TEX36: variants seen among roughly 807,000 people sequenced by gnomAD.
The protein encoded by TEX36 is testis-expressed protein 36.
A neutral mutation model predicts 13.6 loss-of-function variants in TEX36; 12 were observed. That is an observed-to-expected ratio of 0.88 (90% CI 0.56 to 1.43). TEX36 has a LOEUF of 1.43. TEX36 is among the 40% of genes most tolerant of loss of function. The pLI is 0.00. For missense variants in TEX36, 224 were observed against 228.3 expected (o/e 0.98, Z 0.12); for synonymous variants, 93 against 83.0 (o/e 1.12, Z -0.65).
intron 3 of TEX36, among the ~76,000 whole-genome samples, chr10:125,649,521 C>T (rs1846820724): frequency 6.6e-6 from 1 of 152,190 alleles, no homozygotes; most frequent in Admixed American, 6.5e-5. Context: ...TGGAAAGGAA[C>T]AACTGGCACC....
At chr10:125,630,529 G>A (rs1413144166) in intron 3 of TEX36, among the ~76,000 whole-genome samples, 1 of 152,162 alleles carries the variant, frequency 6.6e-6, no homozygotes, top group African/African-American at 2.4e-5. Flanking sequence ...TTATGATGCA[G>A]CCTCAGGAAT....
chr10:125,651,677 T>A (rs943224709), downstream of TEX36, among the ~76,000 whole-genome samples: 16 of 152,078 alleles, frequency 1.1e-4, no homozygotes, highest in African/African-American at 3.6e-4. Flanking sequence ...ACATAAAGGG[T>A]ATTCAATTAG....
intron 3 of TEX36, among the ~76,000 whole-genome samples, chr10:125,611,211 A>C (rs1294262565): frequency 6.6e-6 from 1 of 152,224 alleles, no homozygotes; most frequent in Non-Finnish European, 1.5e-5. Context: ...ATCTTTGTAC[A>C]CATGCATATT....
At chr10:125,604,376 G>A (rs745746289) in intron 3 of TEX36, among the ~76,000 whole-genome samples, 4 of 152,156 alleles carry the variant, frequency 2.6e-5, no homozygotes, top group Admixed American at 6.5e-5. Flanking sequence ...TAATTTGCAC[G>A]CTCCTTATGA....
intron 3 of TEX36, among the ~76,000 whole-genome samples, chr10:125,590,409 C>T (rs544203520): frequency 4.6e-5 from 7 of 152,132 alleles, no homozygotes; most frequent in Non-Finnish European, 1.0e-4. Context: ...AACCACCACG[C>T]CTGGCCCTCC....
downstream of TEX36, among the ~76,000 whole-genome samples, chr10:125,651,620 C>A (rs1846861166): frequency 6.6e-6 from 1 of 152,274 alleles, no homozygotes; most frequent in Non-Finnish European, 1.5e-5. Flanking sequence ...CACTCCTATT[C>A]AACATAGTGT....
In TEX36 at chr10:125,599,683, A is replaced by G. The variant is rs548028792; in HGVS notation, c.265-22809T>C. ...ATTTTCACTGCCTCAAACAACTGGCAAAAAAATCTGTGATGATATCTCTCC... is the reference window on the plus strand; with the variant it reads ...ATTTTCACTGCCTCAAACAACTGGCGAAAAAATCTGTGATGATATCTCTCC... On this transcript the variant is annotated intron_variant, in intron 3 of 3. Transcript: ENST00000532135. Among the ~76,000 whole-genome samples, 10 of 152,326 alleles carry G rather than the reference A, an allele frequency of 6.6e-5. No homozygotes were observed. The South Asian group carries it at 2.1e-3, about 32-fold the overall frequency.
At chr10:125,626,691 G>A (rs1846494584) in intron 3 of TEX36, among the ~76,000 whole-genome samples, 1 of 152,190 alleles carries the variant, frequency 6.6e-6, no homozygotes, top group Non-Finnish European at 1.5e-5. Context: ...CAATCAGGGA[G>A]GGCTTTCTGG....
chr10:125,611,766 G>C (rs924799220), intron 3 of TEX36, among the ~76,000 whole-genome samples: 2 of 151,918 alleles, frequency 1.3e-5, no homozygotes, highest in Non-Finnish European at 2.9e-5. Context: ...TATGCTAAAA[G>C]AAAAATATAA....
At chr10:125,590,230 T>G (rs1393803206) in intron 3 of TEX36, among the ~76,000 whole-genome samples, 1 of 152,126 alleles carries the variant, frequency 6.6e-6, no homozygotes, top group Non-Finnish European at 1.5e-5. Flanking sequence ...TTCTCCCACT[T>G]TCTCCTGTAG....
At chr10:125,587,512 G>A (rs1035824028) in intron 3 of TEX36, among the ~76,000 whole-genome samples, 2 of 152,166 alleles carry the variant, frequency 1.3e-5, no homozygotes, top group African/African-American at 4.8e-5. Flanking sequence ...ATACAGGCCA[G>A]ACCAGTGGCT....
intron 3 of TEX36, among the ~76,000 whole-genome samples, chr10:125,622,563 G>C (rs1846439048): frequency 6.6e-6 from 1 of 152,204 alleles, no homozygotes; most frequent in Non-Finnish European, 1.5e-5. Context: ...ATTCCTGAAA[G>C]TCTGGGTCAT....
Position 125,609,727 on chromosome 10 carries a change from C to A in TEX36, c.265-32853G>T, listed in dbSNP as rs556613334. ...AAGAAACGTCTGTTGTGGGGACACACGTTGCAGCAGCAACCCCATCCTAAC... is the reference window on the plus strand; with the variant it reads ...AAGAAACGTCTGTTGTGGGGACACAAGTTGCAGCAGCAACCCCATCCTAAC... On this transcript the variant is annotated intron_variant, in intron 3 of 3. Coordinates refer to the TEX36 transcript ENST00000532135. 2.6e-5 allele frequency among the ~76,000 whole-genome samples: 4 copies of A among 152,328 alleles called. No homozygotes were observed. The South Asian group carries it at 8.3e-4, about 32-fold the overall frequency.
At chr10:125,664,038 A>G (rs534974069) in intron 1 of TEX36, among the ~76,000 whole-genome samples, 1 of 152,070 alleles carries the variant, frequency 6.6e-6, no homozygotes, top group Admixed American at 6.5e-5. Flanking sequence ...TCTACTCTCT[A>G]TGAGTTCAAC....
intron 3 of TEX36, among the ~76,000 whole-genome samples, chr10:125,656,704 T>G (rs1253357299): frequency 2.6e-5 from 4 of 152,190 alleles, no homozygotes; most frequent in Admixed American, 6.6e-5. Context: ...GGCAGGGTTC[T>G]GTTATTGTCC....
At chr10:125,621,135 T>C (rs1846425558), downstream of TEX36, among the ~76,000 whole-genome samples, 1 of 152,204 alleles carries the variant, frequency 6.6e-6, no homozygotes, top group African/African-American at 2.4e-5. Flanking sequence ...CTTCTGGGTA[T>C]ATATTCAAAA....
At chr10:125,633,136 A>C (rs1359979885) in intron 3 of TEX36, among the ~76,000 whole-genome samples, 1 of 152,132 alleles carries the variant, frequency 6.6e-6, no homozygotes, top group Non-Finnish European at 1.5e-5. Flanking sequence ...AAAAAAAAAA[A>C]TTATATGCAT....
intron 3 of TEX36, among the ~76,000 whole-genome samples, chr10:125,605,040 C>A (rs1846198388): frequency 6.6e-6 from 1 of 152,138 alleles, no homozygotes; most frequent in Non-Finnish European, 1.5e-5. Flanking sequence ...CCCCTCCAGC[C>A]TTGGTGTGTG....
At chr10:125,606,142 C>T (rs1477270422) in intron 3 of TEX36, among the ~76,000 whole-genome samples, 1 of 152,088 alleles carries the variant, frequency 6.6e-6, no homozygotes, top group Admixed American at 6.5e-5. Context: ...TCCTGGAATC[C>T]CAGCAGTCAT....
Sources: allele counts gnomAD v4.1 joint callset (sites outside exome capture counted in the v4.1 genomes callset), GRCh38; gene constraint gnomAD v4.1.1; transcripts MANE v1.5; gene names NCBI Gene and HGNC (gene_info 2026-07-23, HGNC 2026-07-21).